The following NHS variants were observed in gnomAD, a reference collection of about 807,000 sequenced individuals.
NHS encodes actin remodeling regulator NHS.
In NHS, 5 loss-of-function variants were observed where a neutral mutation model predicts 72.5. The observed-to-expected ratio is 0.07, with a 90% CI of 0.04 to 0.14. The LOEUF is 0.14. Among genes scored for constraint, NHS ranks in the 10% least tolerant of loss-of-function variants. NHS has a pLI of 1.00. For missense variants in NHS, 1,072 were observed against 1,355.7 expected, an observed-to-expected ratio of 0.79 and a Z score of 3.29; for synonymous variants, 464 against 547.7, an observed-to-expected ratio of 0.85 and a Z score of 2.13.
At chrX:17,701,609 G>T (rs914852684) in intron 3 of NHS, among the ~76,000 whole-genome samples, 1 of 111,779 alleles carries the variant, frequency 8.9e-6, no homozygotes, top group Non-Finnish European at 1.9e-5. Context: ...GCCACAGCTT[G>T]TGAGTTACTG....
intron 1 of NHS, among the ~76,000 whole-genome samples, chrX:17,612,938 T>G (rs12009164): frequency 0.1 from 11,250 of 111,375 alleles, 1,368 homozygotes; most frequent in African/African-American, 0.34. Context: ...TTGCATCCCC[T>G]TGGCTGCCTG....
intron 1 of NHS, among the ~76,000 whole-genome samples, chrX:17,685,568 G>A (rs2066157431): frequency 9.0e-6 from 1 of 110,887 alleles, no homozygotes; most frequent in Admixed American, 9.5e-5. Flanking sequence ...ATGTGTTTAG[G>A]GTATCAGCAA....
chrX:17,703,559 T>G (rs935222832), intron 3 of NHS, among the ~76,000 whole-genome samples: 1 of 111,992 alleles, frequency 8.9e-6, no homozygotes, highest in African/African-American at 3.2e-5. Context: ...AATGCGAGAC[T>G]CCATGTTTCT....
intron 1 of NHS, among the ~76,000 whole-genome samples, chrX:17,683,839 C>T (rs1403522799): frequency 8.9e-6 from 1 of 111,880 alleles, no homozygotes; most frequent in Non-Finnish European, 1.9e-5. Flanking sequence ...ATTGACAAGA[C>T]AAAGCAAGTG....
intron 1 of NHS, among the ~76,000 whole-genome samples, chrX:17,446,412 G>T (rs2064780381): frequency 9.0e-6 from 1 of 110,867 alleles, no homozygotes; most frequent in Non-Finnish European, 1.9e-5. Flanking sequence ...AAAATGGTTT[G>T]TTCCTGCCTT....
chrX:17,728,549 CTGTTTGTTTGTT>C (rs10643465), intron 7 of NHS, 88 bp from the exon 8 acceptor site: 14 of 1,060,902 alleles, frequency 1.3e-5, no homozygotes, highest in African/African-American at 1.2e-4. Context: ...AAGGTAATTT[CTGTTTGTTTGTT>C]TGTTTGTTTG....
chrX:17,651,576 G>A (rs1326724955), intron 1 of NHS, among the ~76,000 whole-genome samples: 1 of 111,773 alleles, frequency 8.9e-6, no homozygotes, highest in East Asian at 2.8e-4. Flanking sequence ...ATCCCATAGA[G>A]CCTCTGTGTT....
intron 1 of NHS, among the ~76,000 whole-genome samples, chrX:17,631,316 A>G (rs1009274747): frequency 1.8e-5 from 2 of 112,577 alleles, no homozygotes; most frequent in African/African-American, 3.2e-5. Flanking sequence ...GACCAAGTTT[A>G]GAATATAATT....
At chrX:17,584,709 C>T (rs2065564922) in intron 1 of NHS, among the ~76,000 whole-genome samples, 1 of 111,549 alleles carries the variant, frequency 9.0e-6, no homozygotes, top group African/African-American at 3.3e-5. Context: ...TTTTAAGCAT[C>T]CCCAGTCACT....
At position 17,375,696 on chromosome X, in the gene NHS, C is replaced by T; in HGVS notation, c.-62C>T. On this transcript the variant is annotated 5_prime_UTR_variant, in exon 1 of 9. Coordinates refer to ENST00000676302, the MANE Select transcript of NHS (RefSeq NM_001291867.2). ...CCCCTCCCTGCTCAGGTGGGCGCGC[C>T]CGGTCTCCAGCTCACAGGGGCGCTT... 1 of 1,133,085 alleles carries T rather than the reference C, an allele frequency of 8.8e-7. No individual in the cohort carries two copies. The highest frequency in any genetic ancestry group is 1.2e-6 in the Non-Finnish European group (1 of 854,549). The allele number at this position is 1,133,085 out of a possible 1,213,427, so 93.4% of individuals were successfully genotyped here. A position where few individuals can be genotyped will look rare whatever the true frequency, so the allele number is the denominator to read the frequency against.
intron 1 of NHS, among the ~76,000 whole-genome samples, chrX:17,487,850 G>A (rs1404179985): frequency 9.0e-6 from 1 of 111,581 alleles, no homozygotes; most frequent in Non-Finnish European, 1.9e-5. Context: ...GGAGTCAGGA[G>A]TTCCCAACAC....
intron 1 of NHS, among the ~76,000 whole-genome samples, chrX:17,661,181 C>A (rs1183253147): frequency 8.9e-6 from 1 of 111,914 alleles, no homozygotes; most frequent in Non-Finnish European, 1.9e-5. Context: ...CAATACCTAT[C>A]CTCAGACATA....
intron 1 of NHS, among the ~76,000 whole-genome samples, chrX:17,663,872 TG>T (rs1188401394): frequency 1.8e-5 from 2 of 111,871 alleles, no homozygotes; most frequent in Non-Finnish European, 3.8e-5. Flanking sequence ...CATCAATACT[TG>T]GTATGTCAGG....
At chrX:17,430,410 CTCCT>C (rs1169995304) in intron 1 of NHS, among the ~76,000 whole-genome samples, 83 of 58,998 alleles carry the variant, frequency 1.4e-3, no homozygotes, top group African/African-American at 4.4e-3. Flanking sequence ...TCCTTTCTTT[CTCCT>C]TCCTTCCTTC....
chrX:17,577,879 G>A (rs1255215658), intron 1 of NHS, among the ~76,000 whole-genome samples: 1 of 111,725 alleles, frequency 9.0e-6, no homozygotes, highest in Non-Finnish European at 1.9e-5. Flanking sequence ...AGGGATAGGA[G>A]TGTTTTGGCA....
intron 1 of NHS, among the ~76,000 whole-genome samples, chrX:17,664,056 ATTT>A (rs1474941990): frequency 9.0e-6 from 1 of 111,215 alleles, no homozygotes; most frequent in African/African-American, 3.3e-5. Context: ...TATTATTGAT[ATTT>A]TTTATTTGTA....
chrX:17,422,522 G>A (rs2064629366), intron 1 of NHS, among the ~76,000 whole-genome samples: 1 of 111,525 alleles, frequency 9.0e-6, no homozygotes, highest in Non-Finnish European at 1.9e-5. Flanking sequence ...GACATTTGGG[G>A]CTGGATCATT....
At chrX:17,647,047 AT>A (rs199704098) in intron 1 of NHS, among the ~76,000 whole-genome samples, 1 of 111,991 alleles carries the variant, frequency 8.9e-6, no homozygotes, top group East Asian at 2.8e-4. Flanking sequence ...TTCTGTAATG[AT>A]TTTTTTGTGT....
rs776372696 is a variant in NHS, at chrX:17,692,308, A to G, written c.719-27A>G. 5.0e-6 allele frequency: 6 copies of G among 1,206,148 alleles called. No individual in the cohort carries two copies. In the East Asian group the frequency reaches 1.5e-4, roughly 30 times the overall value. On this transcript the variant is annotated intron_variant, in intron 2 of 8. Transcript: ENST00000676302. ...AAATTGAAAATGCCAAGTGTATTTC[A>G]GTATTACTGCTTTTTCTCCTTCTCA...
Sources: allele counts gnomAD v4.1 joint callset (sites outside exome capture counted in the v4.1 genomes callset), GRCh38; gene constraint gnomAD v4.1.1; transcripts MANE v1.5; gene names NCBI Gene and HGNC (gene_info 2026-07-23, HGNC 2026-07-21).